The following DLGAP2 variants were observed in gnomAD, a reference collection of about 807,000 sequenced individuals.
The protein encoded by DLGAP2 is disks large-associated protein 2.
Under a neutral mutation model 100.3 loss-of-function variants are expected in DLGAP2, and 26 were observed. That is an observed-to-expected ratio of 0.26 (90% CI 0.19 to 0.36). DLGAP2 has a LOEUF of 0.36. Among genes scored for constraint, DLGAP2 ranks in the 10% least tolerant of loss-of-function variants. The pLI is 1.00. For synonymous variants in DLGAP2, 886 were observed against 630.1 expected (o/e 1.41, Z -6.08); for missense variants, 1,858 against 1,453.2 (o/e 1.28, Z -4.53).
chr8:1,455,116 T>C (rs740244), intron 3 of DLGAP2, among the ~76,000 whole-genome samples: 79,837 of 152,124 alleles, frequency 0.52, 21,567 homozygotes, highest in East Asian at 0.87. Context: ...TTGAGCAATG[T>C]AATGAGCTCA....
At chr8:1,168,113 T>C (rs1303028326) in intron 2 of DLGAP2, among the ~76,000 whole-genome samples, 1 of 143,222 alleles carries the variant, frequency 7.0e-6, no homozygotes, top group African/African-American at 2.6e-5. Flanking sequence ...TTCCCACCTA[T>C]GAGTGAGAAT....
intron 3 of DLGAP2, among the ~76,000 whole-genome samples, chr8:1,441,683 CA>C (rs35789497): frequency 0.2 from 14,850 of 74,510 alleles, 862 homozygotes; most frequent in East Asian, 0.38. Context: ...GACTCCATCT[CA>C]AAAAAAAAAA....
At chr8:863,028 A>G (rs1174179877) in intron 1 of DLGAP2, among the ~76,000 whole-genome samples, 3 of 152,264 alleles carry the variant, frequency 2.0e-5, no homozygotes, top group Non-Finnish European at 4.4e-5. Flanking sequence ...AATGGATTTC[A>G]GGGACATGCT....
At chr8:1,093,199 C>T (rs1399618010) in intron 2 of DLGAP2, among the ~76,000 whole-genome samples, 2 of 152,206 alleles carry the variant, frequency 1.3e-5, no homozygotes, top group African/African-American at 2.4e-5. Flanking sequence ...AACCATTAAT[C>T]CCTTCTAAAA....
intron 2 of DLGAP2, among the ~76,000 whole-genome samples, chr8:938,301 G>A (rs745702194): frequency 5.9e-5 from 9 of 152,146 alleles, no homozygotes; most frequent in Admixed American, 3.3e-4. Context: ...AGGCTTAAGC[G>A]ATCCTCCTTC....
At chr8:1,154,743 A>C (rs546645741) in intron 2 of DLGAP2, among the ~76,000 whole-genome samples, 9 of 152,162 alleles carry the variant, frequency 5.9e-5, no homozygotes, top group African/African-American at 2.2e-4. Context: ...CAGGATTTCC[A>C]GTCCTTACTG....
chr8:921,363 AC>A (rs1247067738), intron 2 of DLGAP2, among the ~76,000 whole-genome samples: 1 of 151,862 alleles, frequency 6.6e-6, no homozygotes, highest in East Asian at 1.9e-4. Flanking sequence ...GTGTCCACAG[AC>A]CCGACCTCCC....
chr8:1,201,883 G>C (rs1797882401), intron 2 of DLGAP2, among the ~76,000 whole-genome samples: 1 of 152,122 alleles, frequency 6.6e-6, no homozygotes, highest in Admixed American at 6.5e-5. Context: ...GTGTGTGTAA[G>C]CATGTGGTGT....
chr8:933,304 C>T (rs1191889745), intron 2 of DLGAP2, among the ~76,000 whole-genome samples: 1 of 152,240 alleles, frequency 6.6e-6, no homozygotes, highest in Admixed American at 6.5e-5. Context: ...GGCCATGGTC[C>T]CGGGGGTGAG....
chr8:1,229,392 A>C (rs1050759032), intron 2 of DLGAP2, among the ~76,000 whole-genome samples: 2 of 151,978 alleles, frequency 1.3e-5, no homozygotes, highest in African/African-American at 4.8e-5. Flanking sequence ...TTACCAATTC[A>C]GTTTTGGAAC....
At chr8:784,377 G>C (rs991885861) in intron 1 of DLGAP2, among the ~76,000 whole-genome samples, 14 of 152,196 alleles carry the variant, frequency 9.2e-5, no homozygotes, top group African/African-American at 2.9e-4. Context: ...CAGAAAAAGA[G>C]AGGAAAACGT....
chr8:1,383,729 G>T (rs1305396126), intron 3 of DLGAP2, among the ~76,000 whole-genome samples: 1 of 152,194 alleles, frequency 6.6e-6, no homozygotes. Context: ...TGCAGTATTA[G>T]AATGGCCACG....
Position 1,355,152 on chromosome 8 carries a change from G to A in DLGAP2, c.106+96269G>A, listed in dbSNP as rs548227859. ...TGTATGTTTTAAGTGGCAAAGCCGAGCAGAAAGCACCGTGAAAGCGGTGAC... is the reference window on the plus strand; with the variant it reads ...TGTATGTTTTAAGTGGCAAAGCCGAACAGAAAGCACCGTGAAAGCGGTGAC... On this transcript the variant is annotated intron_variant, in intron 3 of 14. Coordinates refer to ENST00000637795, the MANE Select transcript of DLGAP2 (RefSeq NM_001346810.2). Among the ~76,000 whole-genome samples the A allele has an allele frequency of 1.9e-3, 289 of 152,372 alleles. 2 individuals are homozygous for A. The highest frequency in any genetic ancestry group is 0.015 in the South Asian group (72 of 4,834).
At chr8:1,039,978 C>A (rs368188178) in intron 2 of DLGAP2, among the ~76,000 whole-genome samples, 1 of 144,070 alleles carries the variant, frequency 6.9e-6, no homozygotes, top group Non-Finnish European at 1.5e-5. Context: ...GTGGTCGGCT[C>A]GGTGTGCATG....
intron 3 of DLGAP2, among the ~76,000 whole-genome samples, chr8:1,435,902 A>C (rs528817453): frequency 1.3e-5 from 2 of 152,282 alleles, no homozygotes; most frequent in South Asian, 4.1e-4. Flanking sequence ...ATTAAAGATT[A>C]AAAATAGTAA....
intron 2 of DLGAP2, among the ~76,000 whole-genome samples, chr8:1,232,029 G>A (rs1228180275): frequency 1.3e-5 from 2 of 152,200 alleles, no homozygotes. Flanking sequence ...AAAAATTGCT[G>A]TGGGAATCTG....
Position 1,480,201 on chromosome 8 carries a change from C to A in DLGAP2, c.107-21165C>A, listed in dbSNP as rs182497373. 1.3e-3 allele frequency among the ~76,000 whole-genome samples: 201 copies of A among 152,296 alleles called. 1 individual carries two copies. Among genetic ancestry groups the A allele is most frequent in the Admixed American group, 2.7e-3 (42 of 15,298 alleles). On this transcript the variant is annotated intron_variant, in intron 3 of 14. Coordinates refer to ENST00000637795, the MANE Select transcript of DLGAP2 (RefSeq NM_001346810.2). ...CCTCCGCCTGCTGAGCTTTTCAGAA[C>A]ACAGGAAACGTGGGGCTAGATGTAG... is the stretch of plus-strand genomic sequence containing the variant.
intron 3 of DLGAP2, among the ~76,000 whole-genome samples, chr8:1,320,362 G>A (rs1358624973): frequency 2.6e-5 from 4 of 152,058 alleles, no homozygotes; most frequent in Non-Finnish European, 2.9e-5. Flanking sequence ...CCGTAGCGTC[G>A]CATCCTACAG....
Position 1,549,419 on chromosome 8 carries a change from C to G in DLGAP2, c.966C>G (p.Pro322=), listed in dbSNP as rs1304258576. The change falls in exon 5 of 15, where the codon CCC becomes CCG. Residue 322 remains proline (P), a synonymous_variant. Transcript: ENST00000637795. The stretch of plus-strand genomic sequence containing the variant: ...TGCTCAACCGGCACCACCTGGGCCC[C>G]GTGGCCCACTGCTACCCCGACGCGC... ...PSVLNRHHLG[P]VAHCYPDALQ... 6.2e-7 allele frequency: 1 copy of G among 1,613,420 alleles called. No homozygotes were observed. The highest frequency in any genetic ancestry group is 1.7e-5 in the Admixed American group (1 of 60,030).
Sources: allele counts gnomAD v4.1 joint callset (sites outside exome capture counted in the v4.1 genomes callset), GRCh38; gene constraint gnomAD v4.1.1; transcripts MANE v1.5; gene names NCBI Gene and HGNC (gene_info 2026-07-23, HGNC 2026-07-21).